The following ZBTB16 variants were observed in gnomAD, a reference collection of about 807,000 sequenced individuals.
ZBTB16 encodes the protein zinc finger and BTB domain containing 16.
A neutral mutation model predicts 56.8 loss-of-function variants in ZBTB16; 8 were observed. The observed-to-expected ratio is 0.14, with a 90% CI of 0.08 to 0.25. The LOEUF is 0.25. ZBTB16 is among the 10% of genes least tolerant of loss of function. ZBTB16 has a pLI of 1.00. For synonymous variants in ZBTB16, 363 were observed against 368.5 expected, an observed-to-expected ratio of 0.98 and a Z score of 0.17; for missense variants, 625 against 903.0, an observed-to-expected ratio of 0.69 and a Z score of 3.95.
chr11:114,124,274 G>C (rs572365490), intron 2 of ZBTB16, among the ~76,000 whole-genome samples: 2 of 150,622 alleles, frequency 1.3e-5, no homozygotes, highest in South Asian at 4.2e-4. Flanking sequence ...CTTATGCCAG[G>C]GGTTATTAGA....
chr11:114,242,406 C>T (rs1944727894), intron 5 of ZBTB16, 69 bp downstream of exon 5: 59 of 1,580,790 alleles, frequency 3.7e-5, no homozygotes, highest in South Asian at 3.0e-4. Context: ...CCTCCAAGGA[C>T]GTAAAGTGGA....
rs1282675293 is a variant in ZBTB16, at chr11:114,064,945, C to T, written c.1268+377C>T. ...TGGGATGAGGGTCTCTTGGGCCCTG[C>T]ATCTGACCATGTTACTAGGTTTCAG... On this transcript the variant is annotated intron_variant, in intron 2 of 6. Transcript: ENST00000335953. The surrounding 1 kb of genome is among the most constrained non-coding windows in gnomAD (Gnocchi z 4.2). Among the ~76,000 whole-genome samples the T allele has an allele frequency of 6.6e-6, 1 of 152,144 alleles. No homozygotes were observed. The highest frequency in any genetic ancestry group is 2.4e-5 in the African/African-American group (1 of 41,434).
At chr11:114,191,049 G>T (rs1036630421) in intron 4 of ZBTB16, among the ~76,000 whole-genome samples, 1 of 152,064 alleles carries the variant, frequency 6.6e-6, no homozygotes, top group African/African-American at 2.4e-5. Flanking sequence ...AGAAGCAGCT[G>T]CACACTTTTA....
At chr11:114,071,462 A>G (rs1369443352) in intron 2 of ZBTB16, among the ~76,000 whole-genome samples, 1 of 152,170 alleles carries the variant, frequency 6.6e-6, no homozygotes, top group East Asian at 1.9e-4. Context: ...GCTATAGTTT[A>G]GCAACACGTT....
chr11:114,242,534 C>A (rs1374995969), intron 5 of ZBTB16, among the ~76,000 whole-genome samples, 197 bp downstream of exon 5: 1 of 152,220 alleles, frequency 6.6e-6, no homozygotes, highest in Admixed American at 6.5e-5. Context: ...ACCGTCGGTT[C>A]AAAGTCTTTC....
At chr11:114,210,648 C>T in intron 4 of ZBTB16, 2 of 220,986 alleles carry the variant, frequency 9.1e-6, no homozygotes, top group Non-Finnish European at 8.9e-6. Flanking sequence ...CCCCACTTCC[C>T]TGTTTGCCGG....
chr11:114,234,269 T>C (rs3825043), intron 4 of ZBTB16, among the ~76,000 whole-genome samples: 2 of 152,170 alleles, frequency 1.3e-5, no homozygotes, highest in Admixed American at 6.5e-5. Context: ...GGTTTTTGGC[T>C]CTTAGCTTGG....
chr11:114,248,130 C>T (rs1021090973), intron 6 of ZBTB16, among the ~76,000 whole-genome samples: 1 of 152,274 alleles, frequency 6.6e-6, no homozygotes, highest in African/African-American at 2.4e-5. Context: ...GAACTCCTGA[C>T]CTCAAGTGAT....
At chr11:114,195,994 G>C (rs906988756) in intron 4 of ZBTB16, among the ~76,000 whole-genome samples, 5 of 152,202 alleles carry the variant, frequency 3.3e-5, no homozygotes, top group African/African-American at 1.2e-4. Context: ...TCTCAGTGCA[G>C]TTGAAAGAAG....
Position 114,245,175 on chromosome 11 carries a change from G to A in ZBTB16, c.1625-2023G>A, listed in dbSNP as rs55634959. Among the ~76,000 whole-genome samples, 1,448 of 152,282 alleles carry A rather than the reference G, an allele frequency of 9.5e-3. 22 individuals carry two copies. The highest frequency in any genetic ancestry group is 0.032 in the African/African-American group (1,329 of 41,528). On this transcript the variant is annotated intron_variant, in intron 5 of 6. Coordinates refer to ENST00000335953, the MANE Select transcript of ZBTB16 (RefSeq NM_006006.6). ...GCCTCCACTCCCTTGAGTTTGATGG[G>A]GCTGGGGGCCAGGCAGTCCGCATGG... is the stretch of plus-strand genomic sequence containing the variant.
At chr11:114,080,672 T>G (rs1395745913) in intron 2 of ZBTB16, among the ~76,000 whole-genome samples, 1 of 152,250 alleles carries the variant, frequency 6.6e-6, no homozygotes, top group Non-Finnish European at 1.5e-5. Flanking sequence ...CAGGTTTAAC[T>G]AGAGGGAAGT....
At chr11:114,172,020 G>A (rs1221171513) in intron 3 of ZBTB16, among the ~76,000 whole-genome samples, 2 of 152,212 alleles carry the variant, frequency 1.3e-5, no homozygotes, top group Non-Finnish European at 2.9e-5. Context: ...GCCCAGGAGT[G>A]TAGAAGAGCC....
At chr11:114,080,162 A>T (rs1478060826) in intron 2 of ZBTB16, among the ~76,000 whole-genome samples, 1 of 152,074 alleles carries the variant, frequency 6.6e-6, no homozygotes, top group African/African-American at 2.4e-5. Flanking sequence ...GCCTCTTTGG[A>T]AGGCTCTGGA....
At chr11:114,115,150 G>T (rs956274870) in intron 2 of ZBTB16, among the ~76,000 whole-genome samples, 2 of 151,962 alleles carry the variant, frequency 1.3e-5, no homozygotes, top group African/African-American at 4.8e-5. Flanking sequence ...CTCTACCCTC[G>T]CCTGAGACAC....
rs1400401655 is a variant in ZBTB16 at position 114,250,959 on chromosome 11, C to T, written c.*404C>T. ...TGCCGGCCTTCCTCCACCAAGACCC[C>T]CAGGAGATGAAGGGAGGGAGGAGGT... is the stretch of plus-strand genomic sequence containing the variant. On this transcript the variant is annotated 3_prime_UTR_variant, in exon 7 of 7. Coordinates refer to ENST00000335953, the MANE Select transcript of ZBTB16 (RefSeq NM_006006.6). The surrounding 1 kb of genome is among the most constrained non-coding windows in gnomAD (Gnocchi z 6.0). 6.6e-6 allele frequency among the ~76,000 whole-genome samples: 1 copy of T among 152,154 alleles called. No individual in the cohort carries two copies. Among genetic ancestry groups the T allele is most frequent in the Non-Finnish European group, 1.5e-5 (1 of 68,032 alleles).
At chr11:114,239,645 C>A (rs77909890) in intron 4 of ZBTB16, among the ~76,000 whole-genome samples, 14,113 of 152,188 alleles carry the variant, frequency 0.093, 2,187 homozygotes, top group African/African-American at 0.32. Context: ...TTCTGAGAGA[C>A]CTTGGTGGCT....
Position 114,063,573 on chromosome 11 carries a change from G to T in ZBTB16, c.273G>T (p.Thr91=). 1 of 1,614,222 alleles carries T rather than the reference G, an allele frequency of 6.2e-7. No homozygotes were observed. The highest frequency in any genetic ancestry group is 1.1e-5 in the South Asian group (1 of 91,078). The part of the protein sequence containing the change: ...QQILEYAYTA[T]LQAKAEDLDD... ...TTCTGGAGTATGCATATACAGCCAC[G>T]CTGCAAGCCAAGGCGGAGGACCTGG... The change falls in exon 2 of 7, where the codon ACG becomes ACT. Residue 91 remains threonine (T), a synonymous_variant. Coordinates refer to ENST00000335953, the MANE Select transcript of ZBTB16 (RefSeq NM_006006.6). This position sits in a 1 kb window ranked among gnomAD's most constrained non-coding sequence, Gnocchi z 6.5.
intron 4 of ZBTB16, among the ~76,000 whole-genome samples, chr11:114,213,544 A>C (rs557701403): frequency 6.6e-6 from 1 of 152,324 alleles, no homozygotes; most frequent in Middle Eastern, 3.4e-3. Flanking sequence ...CCCCAGCAGT[A>C]ATTAGATTCT....
At chr11:114,174,496 C>T (rs879400944) in intron 3 of ZBTB16, among the ~76,000 whole-genome samples, 2 of 152,122 alleles carry the variant, frequency 1.3e-5, no homozygotes, top group Non-Finnish European at 2.9e-5. Flanking sequence ...GCCTGCCTAA[C>T]ATGGTGAAAC....
Sources: allele counts gnomAD v4.1 joint callset (sites outside exome capture counted in the v4.1 genomes callset), GRCh38; gene constraint gnomAD v4.1.1; non-coding constraint Gnocchi (gnomAD v3.1); transcripts MANE v1.5; gene names NCBI Gene and HGNC (gene_info 2026-07-23, HGNC 2026-07-21).